The following RTN1 variants were observed in gnomAD, a reference collection of about 807,000 sequenced individuals.
The protein encoded by RTN1 is reticulon-1.
A neutral mutation model predicts 65.5 loss-of-function variants in RTN1; 25 were observed. The ratio of observed to expected loss-of-function variants is 0.38; its 90% CI spans 0.28 to 0.53. The LOEUF is 0.53. RTN1 is among the 20% of genes least tolerant of loss of function. The pLI is 0.79. For missense variants in RTN1, 983 were observed against 1,025.4 expected (o/e 0.96, Z 0.57); for synonymous variants, 471 against 447.6 (o/e 1.05, Z -0.66).
intron 1 of RTN1, among the ~76,000 whole-genome samples, chr14:59,772,180 CTGTT>C (rs750393796): frequency 1.9e-4 from 29 of 152,082 alleles, no homozygotes; most frequent in Non-Finnish European, 3.7e-4. Flanking sequence ...TTTTAAAAAT[CTGTT>C]TGTTTTTATA....
At chr14:59,795,873 C>T (rs974168173) in intron 1 of RTN1, among the ~76,000 whole-genome samples, 31 of 152,034 alleles carry the variant, frequency 2.0e-4, no homozygotes, top group South Asian at 2.1e-4. Context: ...AAATGTAATA[C>T]GTTTTGGGGA....
chr14:59,855,011 A>G (rs1887579119), intron 1 of RTN1, among the ~76,000 whole-genome samples: 1 of 152,228 alleles, frequency 6.6e-6, no homozygotes, highest in African/African-American at 2.4e-5. Flanking sequence ...AAACATCTCA[A>G]CAACTAAAAG....
chr14:59,671,405 T>G (rs971218319), intron 3 of RTN1, among the ~76,000 whole-genome samples: 2 of 152,218 alleles, frequency 1.3e-5, no homozygotes, highest in Admixed American at 6.5e-5. Flanking sequence ...GTAACTCATA[T>G]ACAAACCAAA....
At chr14:59,743,691 C>A (rs1885157726) in intron 2 of RTN1, among the ~76,000 whole-genome samples, 1 of 150,822 alleles carries the variant, frequency 6.6e-6, no homozygotes, top group African/African-American at 2.5e-5. Context: ...CCATGCAGCT[C>A]CTCAGACTGG....
At chr14:59,663,411 C>T (rs1566677033) in intron 3 of RTN1, among the ~76,000 whole-genome samples, 1 of 152,128 alleles carries the variant, frequency 6.6e-6, no homozygotes, top group Admixed American at 6.5e-5. Flanking sequence ...CCATTCAGGA[C>T]ATAGGCATGG....
intron 1 of RTN1, among the ~76,000 whole-genome samples, chr14:59,750,346 A>ATATATTATATATAATATCTATAATATAT (rs376908813): frequency 5.0e-5 from 2 of 40,396 alleles, no homozygotes; most frequent in African/African-American, 3.4e-4. Flanking sequence ...TATATCTATA[A>ATATATTATATATAATATCTATAATATAT]TATATATTAT....
intron 3 of RTN1, among the ~76,000 whole-genome samples, chr14:59,703,129 C>G (rs1032195744): frequency 6.6e-6 from 1 of 152,162 alleles, no homozygotes; most frequent in Admixed American, 6.5e-5. Context: ...ATCACATTCT[C>G]AATCCCTCTA....
chr14:59,611,887 G>A (rs1881962933), intron 3 of RTN1, among the ~76,000 whole-genome samples: 2 of 152,160 alleles, frequency 1.3e-5, no homozygotes, highest in African/African-American at 4.8e-5. Flanking sequence ...GTTGCTGATG[G>A]AAATCCAGCA....
At chr14:59,617,038 A>C (rs967462697) in intron 3 of RTN1, among the ~76,000 whole-genome samples, 1 of 152,268 alleles carries the variant, frequency 6.6e-6, no homozygotes, top group Non-Finnish European at 1.5e-5. Flanking sequence ...CAATTTATGG[A>C]AGTATAGTTA....
intron 3 of RTN1, among the ~76,000 whole-genome samples, chr14:59,688,015 A>C (rs149843922): frequency 1.3e-4 from 20 of 152,212 alleles, no homozygotes; most frequent in Non-Finnish European, 2.2e-4. Flanking sequence ...TGTGCTCTCT[A>C]TGCCCAAGCA....
intron 3 of RTN1, among the ~76,000 whole-genome samples, chr14:59,638,267 A>C (rs1882707634): frequency 6.6e-6 from 1 of 152,198 alleles, no homozygotes; most frequent in Non-Finnish European, 1.5e-5. Context: ...GCACATTTCT[A>C]TTAGAGCTCT....
At chr14:59,607,197 A>C in intron 4 of RTN1, 88 bp downstream of exon 4, 2 of 1,163,528 alleles carry the variant, frequency 1.7e-6, no homozygotes, top group Non-Finnish European at 2.5e-6. Flanking sequence ...TCAGAGAAAC[A>C]TGACTCAAGT....
At chr14:59,742,149 A>C (rs953440429) in intron 2 of RTN1, among the ~76,000 whole-genome samples, 6 of 152,212 alleles carry the variant, frequency 3.9e-5, no homozygotes, top group Non-Finnish European at 7.3e-5. Flanking sequence ...AGAATCATAG[A>C]TCCCATCAAT....
At chr14:59,841,086 C>T (rs1887302925) in intron 1 of RTN1, among the ~76,000 whole-genome samples, 1 of 152,116 alleles carries the variant, frequency 6.6e-6, no homozygotes, top group South Asian at 2.1e-4. Flanking sequence ...ATATATACCT[C>T]ATAAGCAGAA....
intron 1 of RTN1, among the ~76,000 whole-genome samples, chr14:59,863,989 G>A (rs186133381): frequency 9.2e-5 from 14 of 152,164 alleles, no homozygotes; most frequent in African/African-American, 1.4e-4. Flanking sequence ...TTATTGCAAT[G>A]GCCTACTAGT....
chr14:59,748,981 G>A lies in RTN1; in HGVS notation c.242-2500C>T, dbSNP rs980162350. 5.8e-4 allele frequency among the ~76,000 whole-genome samples: 88 copies of A among 150,716 alleles called. 1 individual carries two copies. The highest frequency in any genetic ancestry group is 5.2e-4 in the Non-Finnish European group (35 of 67,798). On this transcript the variant is annotated intron_variant, in intron 1 of 8. Transcript: ENST00000267484. Reference sequence around the variant, plus strand: ...ATTTTTGTATTTTTAATAGAGACAGGGTTTTGTCATGTCGGCCAGATGGTC... The same window carrying A: ...ATTTTTGTATTTTTAATAGAGACAGAGTTTTGTCATGTCGGCCAGATGGTC...
chr14:59,727,687 A>G lies in RTN1; in HGVS notation c.1016-19T>C. ...GATGGTTCTGTCGTCCCACAGAGCG[A>G]AGGAGAGCCACGGAGGCACACACAC... On this transcript the variant is annotated intron_variant, in intron 2 of 8. Transcript: ENST00000267484. This position sits in a 1 kb window ranked among gnomAD's most constrained non-coding sequence, Gnocchi z 4.2. The G allele has an allele frequency of 6.4e-7, 1 of 1,570,860 alleles. No homozygotes were observed. The highest frequency in any genetic ancestry group is 8.6e-7 in the Non-Finnish European group (1 of 1,157,700).
intron 1 of RTN1, among the ~76,000 whole-genome samples, chr14:59,762,616 T>C (rs1044272700): frequency 1.6e-4 from 25 of 152,224 alleles, no homozygotes; most frequent in Admixed American, 1.6e-3. Context: ...GGCAGGCTTC[T>C]TAAGCTAAAC....
rs113998612 is a variant in RTN1, at chr14:59,609,840, G to T, written c.1766-2348C>A. Among the ~76,000 whole-genome samples the T allele has an allele frequency of 7.1e-3, 1,079 of 152,236 alleles. 18 individuals are homozygous for T. The highest frequency in any genetic ancestry group is 0.025 in the African/African-American group (1,035 of 41,542). ...TGCCAGGCTTTGTGCTGGAGGTGGG[G>T]ATATAAAAATAAGTGAATTATACAA... is the stretch of plus-strand genomic sequence containing the variant. On this transcript the variant is annotated intron_variant, in intron 3 of 8. Transcript: ENST00000267484.
Sources: allele counts gnomAD v4.1 joint callset (sites outside exome capture counted in the v4.1 genomes callset), GRCh38; gene constraint gnomAD v4.1.1; non-coding constraint Gnocchi (gnomAD v3.1); transcripts MANE v1.5; gene names NCBI Gene and HGNC (gene_info 2026-07-23, HGNC 2026-07-21).